LRMDA: variants seen among roughly 807,000 people sequenced by gnomAD.
LRMDA encodes the protein leucine-rich melanocyte differentiation-associated protein.
A neutral mutation model predicts 29.8 loss-of-function variants in LRMDA; 18 were observed. The ratio of observed to expected loss-of-function variants is 0.60; its 90% CI spans 0.42 to 0.90. The LOEUF (loss-of-function observed/expected upper bound fraction) is 0.90. LRMDA is among the 40% of genes least tolerant of loss of function. The pLI is 0.00. For missense variants in LRMDA, 273 were observed against 273.9 expected (o/e 1.00, Z 0.02); for synonymous variants, 125 against 109.4 (o/e 1.14, Z -0.89).
rs561792638 is a variant in LRMDA at position 76,511,876 on chromosome 10, T to A, written c.602-45333T>A. On this transcript the variant is annotated intron_variant, in intron 6 of 6. Transcript: ENST00000611255. ...TTTGCAGAAATTGACCAGCTAATTT[T>A]AAAATTCATATTGAAAAGCAAGGGA... Among the ~76,000 whole-genome samples, 8 of 152,094 alleles carry A rather than the reference T, an allele frequency of 5.3e-5. No individual in the cohort carries two copies. In the South Asian group the frequency reaches 1.7e-3, roughly 32 times the overall value.
chr10:75,814,597 G>A (rs1275606733), intron 2 of LRMDA, among the ~76,000 whole-genome samples: 1 of 152,084 alleles, frequency 6.6e-6, no homozygotes, highest in African/African-American at 2.4e-5. Flanking sequence ...AAACATTCAT[G>A]TTCTTCCTCT....
At chr10:76,505,378 T>C (rs572239911) in intron 6 of LRMDA, among the ~76,000 whole-genome samples, 1 of 152,220 alleles carries the variant, frequency 6.6e-6, no homozygotes, top group Non-Finnish European at 1.5e-5. Flanking sequence ...GAAATGTTCA[T>C]GGATTAATAA....
intron 5 of LRMDA, among the ~76,000 whole-genome samples, chr10:76,239,710 C>T (rs534217656): frequency 1.3e-4 from 19 of 151,708 alleles, no homozygotes; most frequent in African/African-American, 4.1e-4. Flanking sequence ...CTAACTTGTT[C>T]CTCTATCCTC....
chr10:76,440,454 G>A (rs1589188443), intron 6 of LRMDA, among the ~76,000 whole-genome samples: 3 of 152,120 alleles, frequency 2.0e-5, no homozygotes, highest in African/African-American at 4.8e-5. Flanking sequence ...CTGAAATAAG[G>A]TCAGCCCTCT....
At chr10:76,522,859 T>C (rs1269678000) in intron 6 of LRMDA, among the ~76,000 whole-genome samples, 1 of 152,140 alleles carries the variant, frequency 6.6e-6, no homozygotes, top group Non-Finnish European at 1.5e-5. Context: ...TTATCCTTAG[T>C]TGTAAGCCGC....
intron 6 of LRMDA, among the ~76,000 whole-genome samples, chr10:76,427,720 G>A (rs1318991091): frequency 1.3e-5 from 2 of 152,152 alleles, no homozygotes; most frequent in African/African-American, 4.8e-5. Context: ...TGCCCATTCA[G>A]TATGATATTG....
intron 6 of LRMDA, among the ~76,000 whole-genome samples, chr10:76,345,262 C>T (rs990423241): frequency 6.7e-6 from 1 of 148,946 alleles, no homozygotes; most frequent in African/African-American, 2.4e-5. Flanking sequence ...TTAGTAGAGA[C>T]GGGGTTTCAC....
chr10:76,111,918 G>A (rs1460488937), intron 5 of LRMDA, among the ~76,000 whole-genome samples: 1 of 152,166 alleles, frequency 6.6e-6, no homozygotes, highest in Non-Finnish European at 1.5e-5. Flanking sequence ...GCACCAGTCC[G>A]GGGAGCACTT....
At chr10:75,504,953 A>G (rs931780878) in intron 2 of LRMDA, among the ~76,000 whole-genome samples, 1 of 152,132 alleles carries the variant, frequency 6.6e-6, no homozygotes, top group Non-Finnish European at 1.5e-5. Flanking sequence ...TAGGTAGATC[A>G]TGTCATCCTT....
chr10:76,006,356 C>G (rs113554050), intron 2 of LRMDA, among the ~76,000 whole-genome samples: 12 of 152,312 alleles, frequency 7.9e-5, no homozygotes, highest in African/African-American at 2.4e-4. Context: ...CTGGGTGACT[C>G]TGCCGCTTAC....
At chr10:75,998,274 GTCT>G (rs1847506213) in intron 2 of LRMDA, among the ~76,000 whole-genome samples, 1 of 152,136 alleles carries the variant, frequency 6.6e-6, no homozygotes, top group South Asian at 2.1e-4. Flanking sequence ...ATCCCCAAAA[GTCT>G]TCTCACTTTT....
intron 4 of LRMDA, 95 bp downstream of exon 4, chr10:76,047,398 T>A (rs1225032331): frequency 4.8e-6 from 6 of 1,242,876 alleles, no homozygotes; most frequent in Non-Finnish European, 5.4e-6. Context: ...AGATGTTTGG[T>A]ACATATCAGT....
chr10:75,779,377 C>A (rs1434006057), intron 2 of LRMDA, among the ~76,000 whole-genome samples: 3 of 152,174 alleles, frequency 2.0e-5, no homozygotes, highest in Non-Finnish European at 4.4e-5. Flanking sequence ...AGCCTAATTA[C>A]ACTACCCAGG....
intron 2 of LRMDA, among the ~76,000 whole-genome samples, chr10:75,554,344 A>C: frequency 6.6e-6 from 1 of 152,220 alleles, no homozygotes; most frequent in African/African-American, 2.4e-5. Context: ...CAAACAAGGA[A>C]CATTTATACT....
chr10:75,806,508 C>T (rs1843855020), intron 2 of LRMDA, among the ~76,000 whole-genome samples: 1 of 152,076 alleles, frequency 6.6e-6, no homozygotes, highest in Non-Finnish European at 1.5e-5. Flanking sequence ...TCCAGTGTGT[C>T]TGTAATAATC....
At chr10:76,144,902 A>G (rs1398083569) in intron 5 of LRMDA, among the ~76,000 whole-genome samples, 1 of 152,084 alleles carries the variant, frequency 6.6e-6, no homozygotes, top group Non-Finnish European at 1.5e-5. Context: ...TTTAGCATGA[A>G]GTGTTGTTGA....
chr10:75,677,335 G>C (rs1334888691), intron 2 of LRMDA, among the ~76,000 whole-genome samples: 1 of 152,114 alleles, frequency 6.6e-6, no homozygotes, highest in Non-Finnish European at 1.5e-5. Context: ...CAGTCTGGAA[G>C]AAGTTGGGGA....
At chr10:75,730,357 C>T (rs925531111) in intron 2 of LRMDA, among the ~76,000 whole-genome samples, 2 of 152,214 alleles carry the variant, frequency 1.3e-5, no homozygotes, top group South Asian at 2.1e-4. Flanking sequence ...ACAATGGCCA[C>T]GACCCCACCA....
chr10:75,486,421 T>A (rs1844913793), intron 2 of LRMDA, among the ~76,000 whole-genome samples: 1 of 152,160 alleles, frequency 6.6e-6, no homozygotes. Context: ...TGTTATTCAT[T>A]ATTATGCTAA....
Sources: gnomAD v4.1 joint callset for allele counts (sites outside exome capture counted in the v4.1 genomes callset) on GRCh38, gnomAD v4.1.1 for gene constraint, MANE v1.5 for transcripts, NCBI Gene and HGNC (gene_info 2026-07-23, HGNC 2026-07-21) for gene names.